Variants in DACH1 observed in about 807,000 individuals in gnomAD.
DACH1 encodes the protein dachshund family transcription factor 1.
Under a neutral mutation model 54.2 loss-of-function variants are expected in DACH1, and 12 were observed. That is an observed-to-expected ratio of 0.22 (90% CI 0.14 to 0.36). DACH1 has a LOEUF of 0.36. DACH1 is among the 10% of genes least tolerant of loss of function. The pLI, the probability that DACH1 is intolerant of heterozygous loss-of-function variation, is 1.00. For missense variants in DACH1, 805 were observed against 929.8 expected, an observed-to-expected ratio of 0.87 and a Z score of 1.75; for synonymous variants, 386 against 366.2, an observed-to-expected ratio of 1.05 and a Z score of -0.62.
At chr13:71,442,826 CTAATA>C (rs1874127737) in intron 10 of DACH1, among the ~76,000 whole-genome samples, 1 of 151,728 alleles carries the variant, frequency 6.6e-6, no homozygotes, top group Non-Finnish European at 1.5e-5. Context: ...ACAATATACT[CTAATA>C]TAAGTTATGT....
intron 1 of DACH1, among the ~76,000 whole-genome samples, chr13:71,813,580 G>T (rs1301858095): frequency 6.6e-6 from 1 of 151,930 alleles, no homozygotes; most frequent in Non-Finnish European, 1.5e-5. Context: ...AGTACAACTG[G>T]GAAAATAAAG....
At chr13:71,723,545 C>A (rs1258255110) in intron 1 of DACH1, among the ~76,000 whole-genome samples, 2 of 152,122 alleles carry the variant, frequency 1.3e-5, no homozygotes, top group African/African-American at 4.8e-5. Flanking sequence ...ATATTAAAAA[C>A]CTCTTTTGAT....
At chr13:71,709,893 G>A (rs1409596727) in intron 1 of DACH1, among the ~76,000 whole-genome samples, 1 of 152,122 alleles carries the variant, frequency 6.6e-6, no homozygotes, top group Non-Finnish European at 1.5e-5. Flanking sequence ...AGAGCAAAGT[G>A]CAGTGGTGGA....
chr13:71,486,340 T>C (rs764092892), intron 7 of DACH1, among the ~76,000 whole-genome samples: 43 of 152,084 alleles, frequency 2.8e-4, no homozygotes, highest in Admixed American at 5.2e-4. Flanking sequence ...CCCTATTATA[T>C]ATAATTGAAA....
intron 1 of DACH1, among the ~76,000 whole-genome samples, chr13:71,727,804 G>A (rs929920107): frequency 2.0e-5 from 3 of 152,084 alleles, no homozygotes; most frequent in Non-Finnish European, 4.4e-5. Context: ...TCAGCTGCAA[G>A]TATATGCTAC....
intron 8 of DACH1, among the ~76,000 whole-genome samples, chr13:71,477,360 A>T (rs962502509): frequency 5.9e-5 from 9 of 151,550 alleles, no homozygotes; most frequent in African/African-American, 1.7e-4. Context: ...TGACCTCATG[A>T]TCCACCCGTC....
At chr13:71,450,181 T>TG (rs1314680932) in intron 10 of DACH1, among the ~76,000 whole-genome samples, 1 of 151,656 alleles carries the variant, frequency 6.6e-6, no homozygotes, top group Non-Finnish European at 1.5e-5. Context: ...TTTTTTTTTT[T>TG]TTTGGTTTTT....
intron 2 of DACH1, among the ~76,000 whole-genome samples, chr13:71,643,788 C>T (rs920193742): frequency 5.3e-5 from 8 of 151,934 alleles, no homozygotes; most frequent in African/African-American, 1.5e-4. Context: ...TATTAAATTA[C>T]AGCCATGTGT....
chr13:71,775,243 T>C (rs991611516), intron 1 of DACH1, among the ~76,000 whole-genome samples: 108 of 146,390 alleles, frequency 7.4e-4, no homozygotes, highest in Middle Eastern at 3.6e-3. Flanking sequence ...CTTGAGGCTA[T>C]AGTGAGCCAT....
intron 7 of DACH1, among the ~76,000 whole-genome samples, chr13:71,482,927 A>G (rs980476730): frequency 4.0e-5 from 6 of 151,584 alleles, no homozygotes; most frequent in Non-Finnish European, 5.9e-5. Context: ...CAGCCTCCCA[A>G]GTAGCTGGGA....
At chr13:71,763,878 C>A (rs1171429972) in intron 1 of DACH1, among the ~76,000 whole-genome samples, 2 of 152,176 alleles carry the variant, frequency 1.3e-5, no homozygotes, top group Non-Finnish European at 2.9e-5. Context: ...ACAAACTCAC[C>A]TTTTAATAAC....
intron 1 of DACH1, among the ~76,000 whole-genome samples, chr13:71,801,542 A>C (rs921781795): frequency 1.3e-5 from 2 of 152,136 alleles, no homozygotes; most frequent in African/African-American, 4.8e-5. Flanking sequence ...AAAAAAGTTT[A>C]TCTCTAGAAT....
At chr13:71,748,911 T>TCC (rs1239326385) in intron 1 of DACH1, among the ~76,000 whole-genome samples, 3 of 31,188 alleles carry the variant, frequency 9.6e-5, no homozygotes, top group Admixed American at 2.5e-4. Flanking sequence ...TTTCTTTCTT[T>TCC]CTTTCTTTCT....
chr13:71,516,454 A>C (rs2138269714), intron 6 of DACH1, among the ~76,000 whole-genome samples: 1 of 152,052 alleles, frequency 6.6e-6, no homozygotes, highest in South Asian at 2.1e-4. Flanking sequence ...ACAGTGTCCA[A>C]GATCACGTAC....
At chr13:71,590,178 T>A (rs1298474661) in intron 3 of DACH1, among the ~76,000 whole-genome samples, 1 of 151,998 alleles carries the variant, frequency 6.6e-6, no homozygotes, top group Non-Finnish European at 1.5e-5. Flanking sequence ...ACATCTCATA[T>A]CAGTAAGAAA....
intron 1 of DACH1, among the ~76,000 whole-genome samples, chr13:71,835,726 A>G (rs1888757959): frequency 6.6e-6 from 1 of 152,054 alleles, no homozygotes; most frequent in Non-Finnish European, 1.5e-5. Flanking sequence ...CGGCTAATTA[A>G]TTTTATGGTT....
intron 1 of DACH1, among the ~76,000 whole-genome samples, chr13:71,798,335 T>C (rs1159568340): frequency 3.8e-4 from 36 of 95,608 alleles, no homozygotes; most frequent in African/African-American, 1.6e-3. Flanking sequence ...TATATATATA[T>C]ATATATATAT....
chr13:71,839,702 A>G (rs996321253), intron 1 of DACH1, among the ~76,000 whole-genome samples: 1 of 152,182 alleles, frequency 6.6e-6, no homozygotes, highest in Non-Finnish European at 1.5e-5. Context: ...TTCCAAATAT[A>G]TGTTTCTAAC....
intron 2 of DACH1, among the ~76,000 whole-genome samples, chr13:71,644,162 G>A (rs187371235): frequency 1.3e-5 from 2 of 152,042 alleles, no homozygotes; most frequent in Non-Finnish European, 2.9e-5. Context: ...CTGTAGTTTT[G>A]ATATTAATTA....
Sources: allele counts gnomAD v4.1 joint callset (sites outside exome capture counted in the v4.1 genomes callset), GRCh38; gene constraint gnomAD v4.1.1; transcripts MANE v1.5; gene names NCBI Gene and HGNC (gene_info 2026-07-23, HGNC 2026-07-21).